Variants in SGCD observed in about 807,000 individuals in gnomAD.
SGCD encodes delta-sarcoglycan.
SGCD carries 18 observed loss-of-function variants against 36.6 expected under a neutral mutation model. The observed-to-expected ratio is 0.49, with a 90% CI of 0.34 to 0.73. SGCD has a LOEUF of 0.73. SGCD is among the 30% of genes least tolerant of loss of function. The pLI, the probability that SGCD is intolerant of heterozygous loss-of-function variation, is 0.01. For missense variants in SGCD, 387 were observed against 346.7 expected (o/e 1.12, Z -0.92); for synonymous variants, 133 against 130.6 (o/e 1.02, Z -0.12).
chr5:155,854,307 A>C, the SGCD span, among the ~76,000 whole-genome samples: 5 of 152,144 alleles, frequency 3.3e-5, no homozygotes, highest in Non-Finnish European at 5.9e-5. Flanking sequence ...AATGTCCCCC[A>C]GGGGAAATTA....
At position 156,045,675 on chromosome 5, in the gene SGCD, G is replaced by A. The variant is rs368773767; in HGVS notation, c.-281-72203G>A. ...GTGACAGTTCTCTGCCTGGCTTGTAGATAGCTGCCCTCTCACTATGTCCTC... is the reference window on the plus strand; with the variant it reads ...GTGACAGTTCTCTGCCTGGCTTGTAAATAGCTGCCCTCTCACTATGTCCTC... On this transcript the variant is annotated intron_variant, in intron 1 of 9. Coordinates refer to the SGCD transcript ENST00000517913. Among the ~76,000 whole-genome samples the A allele has an allele frequency of 5.6e-4, 85 of 152,262 alleles. No homozygotes were observed. In the South Asian group the frequency reaches 0.016, roughly 29 times the overall value.
chr5:156,146,714 G>A (rs904224756), intron 3 of SGCD, among the ~76,000 whole-genome samples: 9 of 152,128 alleles, frequency 5.9e-5, no homozygotes, highest in African/African-American at 1.4e-4. Flanking sequence ...AATGATGAGA[G>A]TAATATAAGA....
At chr5:155,747,410 A>C in the SGCD span, among the ~76,000 whole-genome samples, 1 of 152,190 alleles carries the variant, frequency 6.6e-6, no homozygotes, top group Non-Finnish European at 1.5e-5. Context: ...TGGCTTTTAG[A>C]AACTTGTGTA....
chr5:156,303,296 G>A (rs1235926202), intron 3 of SGCD, among the ~76,000 whole-genome samples: 1 of 152,038 alleles, frequency 6.6e-6, no homozygotes, highest in Non-Finnish European at 1.5e-5. Context: ...GGCTACCATT[G>A]ATGTTCACTC....
chr5:156,568,439 A>G (rs1023095292), intron 4 of SGCD, among the ~76,000 whole-genome samples: 3 of 152,056 alleles, frequency 2.0e-5, no homozygotes, highest in Non-Finnish European at 4.4e-5. Context: ...CCTAATCCCT[A>G]CTCTTCCCCC....
intron 1 of SGCD, among the ~76,000 whole-genome samples, chr5:155,892,598 C>T (rs1182949004): frequency 6.6e-6 from 1 of 151,492 alleles, no homozygotes; most frequent in African/African-American, 2.4e-5. Context: ...TCTTATAGTA[C>T]TTCATCATCT....
At chr5:156,180,481 A>G (rs985197138) in intron 3 of SGCD, among the ~76,000 whole-genome samples, 4 of 152,224 alleles carry the variant, frequency 2.6e-5, no homozygotes, top group East Asian at 1.9e-4. Context: ...ACAAATTCCT[A>G]TAGTAAGTAA....
intron 1 of SGCD, among the ~76,000 whole-genome samples, chr5:156,059,699 T>C (rs1360685724): frequency 6.8e-6 from 1 of 146,726 alleles, no homozygotes; most frequent in African/African-American, 2.5e-5. Context: ...TTTCCCCATT[T>C]GTAAAACAGA....
At chr5:156,550,848 T>C (rs1205729562) in intron 4 of SGCD, among the ~76,000 whole-genome samples, 2 of 152,222 alleles carry the variant, frequency 1.3e-5, no homozygotes, top group African/African-American at 2.4e-5. Context: ...AAGGAGATAG[T>C]GAAGGGCTTA....
At chr5:156,238,116 C>A (rs1208253893) in intron 3 of SGCD, among the ~76,000 whole-genome samples, 1 of 151,990 alleles carries the variant, frequency 6.6e-6, no homozygotes, top group Non-Finnish European at 1.5e-5. Context: ...AGGCTAATTT[C>A]TTCTTTTTTG....
intron 4 of SGCD, among the ~76,000 whole-genome samples, chr5:156,530,832 C>T (rs1757858523): frequency 6.6e-6 from 1 of 151,960 alleles, no homozygotes; most frequent in South Asian, 2.1e-4. Context: ...CCCATCTCGG[C>T]CTCCCAAAGT....
intron 1 of SGCD, among the ~76,000 whole-genome samples, chr5:155,942,166 T>C (rs1757337963): frequency 6.6e-6 from 1 of 152,184 alleles, no homozygotes; most frequent in Admixed American, 6.5e-5. Context: ...ATGAACTATG[T>C]GAAGATAATG....
In SGCD at chr5:155,979,676, T is replaced by G. The variant is rs563179096; in HGVS notation, c.-282+109252T>G. Among the ~76,000 whole-genome samples the G allele has an allele frequency of 2.0e-5, 3 of 152,266 alleles. No individual in the cohort carries two copies. In the South Asian group the frequency reaches 6.2e-4, roughly 32 times the overall value. ...TTTGAACTGCTGCTGGCCCAGTTGT[T>G]GGGTGTAGGCTGGCCCACAAGGTTG... On this transcript the variant is annotated intron_variant, in intron 1 of 9. Coordinates refer to the SGCD transcript ENST00000517913.
At chr5:156,389,796 C>A (rs1771468777) in intron 3 of SGCD, among the ~76,000 whole-genome samples, 1 of 152,094 alleles carries the variant, frequency 6.6e-6, no homozygotes, top group South Asian at 2.1e-4. Context: ...TTTCATGTGA[C>A]CTTGAGCAAG....
chr5:156,569,982 C>G (rs1759653384), intron 4 of SGCD, among the ~76,000 whole-genome samples: 1 of 151,972 alleles, frequency 6.6e-6, no homozygotes, highest in South Asian at 2.1e-4. Flanking sequence ...TGACAAAAAG[C>G]CATTGAAGGA....
upstream of SGCD, among the ~76,000 whole-genome samples, chr5:156,322,846 C>A (rs1160115292): frequency 6.6e-6 from 1 of 152,168 alleles, no homozygotes; most frequent in East Asian, 1.9e-4. Flanking sequence ...AGGCAATGGT[C>A]AGCCATTTAA....
At chr5:155,954,022 G>C (rs940317167) in intron 1 of SGCD, among the ~76,000 whole-genome samples, 4 of 152,108 alleles carry the variant, frequency 2.6e-5, no homozygotes, top group African/African-American at 9.7e-5. Flanking sequence ...TTATTTCGTA[G>C]CAGAAATGGA....
intron 1 of SGCD, among the ~76,000 whole-genome samples, chr5:156,049,353 T>A (rs1457063472): frequency 1.4e-5 from 2 of 146,140 alleles, no homozygotes; most frequent in African/African-American, 2.5e-5. Context: ...TTTTTCCAAT[T>A]CTGTGAAGAA....
chr5:156,678,477 A>G (rs1753598314), intron 7 of SGCD, among the ~76,000 whole-genome samples: 2 of 152,350 alleles, frequency 1.3e-5, no homozygotes, highest in East Asian at 1.9e-4. Context: ...AGATAAATAC[A>G]TAAGTGTATG....
Sources: allele counts gnomAD v4.1 joint callset (sites outside exome capture counted in the v4.1 genomes callset), GRCh38; gene constraint gnomAD v4.1.1; transcripts MANE v1.5; gene names NCBI Gene and HGNC (gene_info 2026-07-23, HGNC 2026-07-21).